The following FER variants were observed in gnomAD, a reference collection of about 807,000 sequenced individuals.
FER encodes FER tyrosine kinase.
Under a neutral mutation model 111.0 loss-of-function variants are expected in FER, and 63 were observed. That is an observed-to-expected ratio of 0.57 (90% CI 0.46 to 0.70). The LOEUF (loss-of-function observed/expected upper bound fraction) is 0.70, where lower values mean the gene tolerates loss of function less well. Among genes scored for constraint, FER ranks in the 30% least tolerant of loss-of-function variants. The pLI, the probability that FER is intolerant of heterozygous loss-of-function variation, is 0.00. For missense variants in FER, 914 were observed against 954.0 expected, an observed-to-expected ratio of 0.96 and a Z score of 0.55; for synonymous variants, 327 against 313.9, an observed-to-expected ratio of 1.04 and a Z score of -0.44.
chr5:108,781,349 A>C (rs1171125516), intron 2 of FER, among the ~76,000 whole-genome samples: 2 of 151,740 alleles, frequency 1.3e-5, no homozygotes, highest in Non-Finnish European at 2.9e-5. Flanking sequence ...TGCTTACCAC[A>C]CCTGGCTAAT....
At chr5:108,753,510 G>A (rs10061811) in intron 1 of FER, among the ~76,000 whole-genome samples, 14,647 of 151,968 alleles carry the variant, frequency 0.096, 895 homozygotes, top group African/African-American at 0.18. Context: ...ATGTGTTTTT[G>A]GATGGTTGCC....
At chr5:109,158,060 G>GAA (rs141985372) in intron 17 of FER, among the ~76,000 whole-genome samples, 44 of 150,152 alleles carry the variant, frequency 2.9e-4, no homozygotes, top group African/African-American at 9.8e-4. Context: ...AAAGAAAAAA[G>GAA]AAAAAAAAAC....
chr5:109,114,939 A>G (rs984352446), intron 17 of FER, among the ~76,000 whole-genome samples: 3 of 151,918 alleles, frequency 2.0e-5, no homozygotes, highest in Non-Finnish European at 2.9e-5. Flanking sequence ...TTTGTTAGCC[A>G]TTCGAGTATA....
chr5:108,762,705 C>G (rs1294795441), intron 1 of FER, among the ~76,000 whole-genome samples: 1 of 152,166 alleles, frequency 6.6e-6, no homozygotes, highest in Non-Finnish European at 1.5e-5. Context: ...GTTCTCCCTC[C>G]CTCATGCGGG....
intron 16 of FER, among the ~76,000 whole-genome samples, chr5:109,050,356 T>C (rs527751340): frequency 7.8e-4 from 119 of 152,100 alleles, no homozygotes; most frequent in Admixed American, 2.3e-3. Flanking sequence ...ACCACAAAAA[T>C]CCATGAGAAA....
intron 13 of FER, among the ~76,000 whole-genome samples, chr5:108,964,235 A>G (rs1759507984): frequency 6.6e-6 from 1 of 152,136 alleles, no homozygotes; most frequent in Non-Finnish European, 1.5e-5. Flanking sequence ...GAAGTTCTAG[A>G]CTGTGTTGAG....
chr5:108,896,184 G>A (rs1017308678), intron 9 of FER, among the ~76,000 whole-genome samples: 2 of 151,582 alleles, frequency 1.3e-5, no homozygotes, highest in Non-Finnish European at 2.9e-5. Flanking sequence ...TTGGTAGCTA[G>A]GAGATGCAAA....
rs533863205 is a variant in FER at position 109,192,030 on chromosome 5, G to A, written c.*4455G>A. 3.9e-5 allele frequency: 6 copies of A among 152,164 alleles called. No homozygotes were observed. The East Asian group carries it at 9.6e-4, about 24-fold the overall frequency. The allele number at this position is 152,164 out of a possible 1,614,324, so 9.4% of individuals were successfully genotyped here. Reference sequence around the variant, plus strand: ...AAAAGCCATCCTCCTGCCTCATACCGATTCAGAAATTAAATTCTGAACTTT... The same window carrying A: ...AAAAGCCATCCTCCTGCCTCATACCAATTCAGAAATTAAATTCTGAACTTT... On this transcript the variant is annotated 3_prime_UTR_variant, in exon 20 of 20. Transcript: ENST00000281092.
At chr5:108,939,446 A>G (rs1755955732) in intron 10 of FER, among the ~76,000 whole-genome samples, 1 of 152,082 alleles carries the variant, frequency 6.6e-6, no homozygotes, top group African/African-American at 2.4e-5. Flanking sequence ...GAGTTTACCC[A>G]GTCATGTAGC....
At chr5:109,178,725 T>C (rs1047725587) in intron 17 of FER, among the ~76,000 whole-genome samples, 4 of 152,256 alleles carry the variant, frequency 2.6e-5, no homozygotes, top group African/African-American at 9.6e-5. Flanking sequence ...TAGTGGGATC[T>C]GAAATCAGGT....
chr5:109,144,570 G>A (rs1198436548), intron 17 of FER, among the ~76,000 whole-genome samples: 1 of 152,162 alleles, frequency 6.6e-6, no homozygotes, highest in Non-Finnish European at 1.5e-5. Context: ...ATCTTTAAAA[G>A]TGAGAATATC....
At chr5:108,847,525 G>C (rs915461479) in intron 5 of FER, among the ~76,000 whole-genome samples, 4 of 151,938 alleles carry the variant, frequency 2.6e-5, no homozygotes, top group Non-Finnish European at 4.4e-5. Context: ...TGGTCCAGTT[G>C]TTTAATAGTA....
At chr5:108,959,494 T>C in intron 13 of FER, 147 bp downstream of exon 13, 1 of 663,790 alleles carries the variant, frequency 1.5e-6, no homozygotes. Flanking sequence ...TTATTACTAA[T>C]GCAATTGAAA....
At chr5:108,959,833 G>A (rs893532190) in intron 13 of FER, among the ~76,000 whole-genome samples, 2 of 152,068 alleles carry the variant, frequency 1.3e-5, no homozygotes, top group Non-Finnish European at 2.9e-5. Flanking sequence ...GTGGAGCAAG[G>A]TGGTTGGATA....
chr5:108,934,870 G>A (rs1477552306), intron 10 of FER, among the ~76,000 whole-genome samples: 2 of 152,146 alleles, frequency 1.3e-5, no homozygotes, highest in African/African-American at 4.8e-5. Context: ...TAGAGATAAT[G>A]TTCTAAAAAC....
chr5:108,881,804 C>T (rs1024164110), intron 8 of FER, among the ~76,000 whole-genome samples: 1 of 151,980 alleles, frequency 6.6e-6, no homozygotes, highest in Non-Finnish European at 1.5e-5. Flanking sequence ...ATCATGAGGG[C>T]CCCACCTTCA....
At chr5:109,116,517 A>C (rs935149827) in intron 17 of FER, among the ~76,000 whole-genome samples, 26 of 152,210 alleles carry the variant, frequency 1.7e-4, no homozygotes, top group Middle Eastern at 3.4e-3. Context: ...TATGTCATCT[A>C]AAATGTTAAG....
chr5:109,099,092 T>G (rs1747886690), intron 16 of FER, among the ~76,000 whole-genome samples: 1 of 151,680 alleles, frequency 6.6e-6, no homozygotes, highest in Non-Finnish European at 1.5e-5. Context: ...CTTTTAAAAT[T>G]CTGGCTTAAT....
intron 17 of FER, among the ~76,000 whole-genome samples, chr5:109,134,947 C>T (rs1752734699): frequency 6.6e-6 from 1 of 152,162 alleles, no homozygotes; most frequent in South Asian, 2.1e-4. Context: ...AGATTGTGAT[C>T]TTCGTAAGGG....
Sources: gnomAD v4.1 joint callset for allele counts (sites outside exome capture counted in the v4.1 genomes callset) on GRCh38, gnomAD v4.1.1 for gene constraint, MANE v1.5 for transcripts, NCBI Gene and HGNC (gene_info 2026-07-23, HGNC 2026-07-21) for gene names.